The following FRMD4B variants were observed in gnomAD, a reference collection of about 807,000 sequenced individuals.
FRMD4B encodes FERM domain-containing protein 4B.
In FRMD4B, 74 loss-of-function variants were observed where a neutral mutation model predicts 141.5. The ratio of observed to expected loss-of-function variants is 0.52; its 90% CI spans 0.43 to 0.63. The LOEUF (loss-of-function observed/expected upper bound fraction) is 0.63. FRMD4B is among the 30% of genes least tolerant of loss of function. The pLI is 0.00. For missense variants in FRMD4B, 1,366 were observed against 1,253.4 expected, an observed-to-expected ratio of 1.09 and a Z score of -1.36; for synonymous variants, 506 against 467.9, an observed-to-expected ratio of 1.08 and a Z score of -1.05.
At chr3:69,346,008 A>G (rs1702926628) in intron 1 of FRMD4B, among the ~76,000 whole-genome samples, 1 of 152,124 alleles carries the variant, frequency 6.6e-6, no homozygotes. Flanking sequence ...TTGAGAGAAG[A>G]AGGCTTCAGA....
At chr3:69,225,694 C>CAAAAAA (rs144489759) in intron 7 of FRMD4B, among the ~76,000 whole-genome samples, 20 of 23,350 alleles carry the variant, frequency 8.6e-4, no homozygotes, top group African/African-American at 3.3e-3. Context: ...GACTCCGTCT[C>CAAAAAA]AAAAAAAAAA....
At chr3:69,309,670 C>A (rs1305358719) in intron 3 of FRMD4B, among the ~76,000 whole-genome samples, 1 of 140,898 alleles carries the variant, frequency 7.1e-6, no homozygotes, top group Non-Finnish European at 1.5e-5. Flanking sequence ...GGCTCTGAAA[C>A]TCCTGTACTC....
intron 4 of FRMD4B, among the ~76,000 whole-genome samples, chr3:69,299,592 C>T (rs1701144952): frequency 6.6e-6 from 1 of 152,184 alleles, no homozygotes; most frequent in South Asian, 2.1e-4. Flanking sequence ...CCTGCCTCTC[C>T]TTCTGGAGAA....
At chr3:69,309,607 A>ACT (rs1701508086) in intron 3 of FRMD4B, among the ~76,000 whole-genome samples, 1 of 109,084 alleles carries the variant, frequency 9.2e-6, no homozygotes, top group Non-Finnish European at 1.8e-5. Flanking sequence ...TACCTGGCTG[A>ACT]TTTTTTTTTT....
At chr3:69,263,882 G>A (rs996520127) in intron 5 of FRMD4B, among the ~76,000 whole-genome samples, 1 of 135,594 alleles carries the variant, frequency 7.4e-6, no homozygotes, top group African/African-American at 2.8e-5. Context: ...TGGAGGTGCA[G>A]TGGTGTGATC....
At chr3:69,469,755 C>T (rs1705856692) in intron 1 of FRMD4B, among the ~76,000 whole-genome samples, 2 of 152,180 alleles carry the variant, frequency 1.3e-5, no homozygotes, top group Admixed American at 6.5e-5. Context: ...TATTCTACAG[C>T]CCAGCTGAAA....
At chr3:69,362,705 C>CG (rs1268596155) in intron 1 of FRMD4B, among the ~76,000 whole-genome samples, 1 of 149,782 alleles carries the variant, frequency 6.7e-6, no homozygotes, top group Non-Finnish European at 1.5e-5. Flanking sequence ...AGCCAACCCC[C>CG]CCCCCAAAAA....
At chr3:69,530,142 G>A (rs1700990587) in intron 1 of FRMD4B, among the ~76,000 whole-genome samples, 2 of 152,234 alleles carry the variant, frequency 1.3e-5, no homozygotes. Context: ...AGACAGAATT[G>A]AGGAGGTGCA....
At chr3:69,491,607 C>G (rs9856183) in intron 1 of FRMD4B, among the ~76,000 whole-genome samples, 3,732 of 152,256 alleles carry the variant, frequency 0.025, 172 homozygotes, top group African/African-American at 0.085. Flanking sequence ...AGAAAAGAGA[C>G]AGGGTTAAAG....
intron 1 of FRMD4B, among the ~76,000 whole-genome samples, chr3:69,438,012 T>C (rs1047280345): frequency 3.1e-4 from 45 of 144,486 alleles, no homozygotes; most frequent in Non-Finnish European, 5.5e-4. Flanking sequence ...AATACTGTTA[T>C]ATATACTACT....
chr3:69,270,694 T>C (rs1242844949), intron 5 of FRMD4B, among the ~76,000 whole-genome samples: 1 of 151,706 alleles, frequency 6.6e-6, no homozygotes. Flanking sequence ...GCCTCCCGAG[T>C]AGCTGGGACT....
rs138742854 is a variant in FRMD4B at position 69,349,469 on chromosome 3, A to G, written c.163-35952T>C. 3.9e-3 allele frequency among the ~76,000 whole-genome samples: 594 copies of G among 152,350 alleles called. 5 individuals carry two copies. Among genetic ancestry groups the G allele is most frequent in the African/African-American group, 0.013 (558 of 41,580 alleles). ...GACTTTCTTCACAGAATTGGAAAAAAATACTTTAAAGTTCATATAGAACCA... is the reference window on the plus strand; with the variant it reads ...GACTTTCTTCACAGAATTGGAAAAAGATACTTTAAAGTTCATATAGAACCA... On this transcript the variant is annotated intron_variant, in intron 1 of 22. Coordinates refer to ENST00000398540, the MANE Select transcript of FRMD4B (RefSeq NM_015123.3).
intron 11 of FRMD4B, among the ~76,000 whole-genome samples, chr3:69,205,271 G>A (rs968005416): frequency 1.3e-5 from 2 of 151,666 alleles, no homozygotes; most frequent in African/African-American, 2.4e-5. Flanking sequence ...TCGGGCTCGC[G>A]ATCCTCTGAT....
intron 1 of FRMD4B, among the ~76,000 whole-genome samples, chr3:69,512,000 G>A (rs1239830535): frequency 1.3e-5 from 2 of 152,180 alleles, no homozygotes; most frequent in African/African-American, 4.8e-5. Flanking sequence ...ATGCTAAGAG[G>A]AGGCAATGAA....
chr3:69,402,692 T>G (rs1704585524), intron 2 of FRMD4B, among the ~76,000 whole-genome samples: 1 of 152,140 alleles, frequency 6.6e-6, no homozygotes, highest in South Asian at 2.1e-4. Flanking sequence ...TGCCTCTAGA[T>G]CTCGTGGATA....
intron 7 of FRMD4B, among the ~76,000 whole-genome samples, chr3:69,229,661 A>G (rs968448007): frequency 6.6e-6 from 1 of 152,208 alleles, no homozygotes. Context: ...GGCCAACAGA[A>G]AAAAGTGTTC....
At chr3:69,380,637 A>G (rs1414998399) in intron 1 of FRMD4B, among the ~76,000 whole-genome samples, 1 of 152,196 alleles carries the variant, frequency 6.6e-6, no homozygotes, top group African/African-American at 2.4e-5. Context: ...GCTCAAGTTG[A>G]GCCTACAGAC....
intron 5 of FRMD4B, among the ~76,000 whole-genome samples, chr3:69,263,475 T>C (rs1243762666): frequency 6.9e-6 from 1 of 145,152 alleles, no homozygotes; most frequent in East Asian, 2.1e-4. Context: ...GGTACTATCA[T>C]GGCTTACTGC....
chr3:69,372,682 T>C (rs6791232), intron 1 of FRMD4B, among the ~76,000 whole-genome samples: 149,851 of 152,274 alleles, frequency 0.98, 73,776 homozygotes, highest in East Asian at 1. Flanking sequence ...AATAAATAAA[T>C]AAACAAACAA....
Sources: allele counts gnomAD v4.1 joint callset (sites outside exome capture counted in the v4.1 genomes callset), GRCh38; gene constraint gnomAD v4.1.1; transcripts MANE v1.5; gene names NCBI Gene and HGNC (gene_info 2026-07-23, HGNC 2026-07-21).